Variants in DOCK3 observed in about 807,000 individuals in gnomAD.
The protein encoded by DOCK3 is dedicator of cytokinesis 3, also known as dedicator of cytokinesis protein 3.
DOCK3 carries 60 observed loss-of-function variants against 265.6 expected under a neutral mutation model. The ratio of observed to expected loss-of-function variants is 0.23; its 90% CI spans 0.18 to 0.28. DOCK3 has a LOEUF of 0.28. Among genes scored for constraint, DOCK3 ranks in the 10% least tolerant of loss-of-function variants. The probability of loss-of-function intolerance (pLI) is 1.00; values close to 1 mark genes in which losing one functional copy is unlikely to be tolerated. For missense variants in DOCK3, 1,981 were observed against 2,594.3 expected (o/e 0.76, Z 5.14); for synonymous variants, 881 against 938.0 (o/e 0.94, Z 1.11).
At chr3:51,001,934 GAC>G (rs2078497002) in intron 5 of DOCK3, among the ~76,000 whole-genome samples, 1 of 150,388 alleles carries the variant, frequency 6.6e-6, no homozygotes, top group Non-Finnish European at 1.5e-5. Flanking sequence ...TTTTTTAAGA[GAC>G]AGGGTCTCAC....
intron 5 of DOCK3, among the ~76,000 whole-genome samples, chr3:50,948,652 A>AT (rs952082440): frequency 1.1e-5 from 1 of 90,914 alleles, no homozygotes; most frequent in African/African-American, 4.2e-5. Context: ...TTCCTCTTTT[A>AT]TTTTTTTCTT....
At chr3:50,975,751 C>T (rs987770618) in intron 5 of DOCK3, among the ~76,000 whole-genome samples, 9 of 152,018 alleles carry the variant, frequency 5.9e-5, no homozygotes, top group South Asian at 4.2e-4. Flanking sequence ...GGTAGAATTC[C>T]GCTGTGAATC....
intron 4 of DOCK3, among the ~76,000 whole-genome samples, chr3:50,919,386 G>C (rs1030581671): frequency 1.3e-5 from 2 of 152,196 alleles, no homozygotes; most frequent in African/African-American, 4.8e-5. Context: ...CTATCCATGA[G>C]CATGGAATGT....
chr3:50,728,989 G>T (rs1362771967), intron 1 of DOCK3, among the ~76,000 whole-genome samples: 4 of 144,452 alleles, frequency 2.8e-5, no homozygotes, highest in African/African-American at 5.0e-5. Flanking sequence ...CTCCCAAAGT[G>T]CTGGGATTAC....
intron 46 of DOCK3, 55 bp downstream of exon 46, chr3:51,358,132 C>T (rs2086486086): frequency 2.5e-6 from 4 of 1,568,866 alleles, no homozygotes; most frequent in Non-Finnish European, 3.5e-6. Flanking sequence ...TCACTTCCTC[C>T]AGACCTACGC....
chr3:51,355,160 A>G (rs567177877), intron 41 of DOCK3, 137 bp downstream of exon 41: 2 of 1,254,182 alleles, frequency 1.6e-6, no homozygotes, highest in Admixed American at 5.3e-5. Flanking sequence ...GTGTGTCCTC[A>G]TTGCTTAGCA....
chr3:51,375,922 T>A, intron 51 of DOCK3, 87 bp downstream of exon 51: 1 of 1,371,038 alleles, frequency 7.3e-7, no homozygotes, highest in Non-Finnish European at 1.0e-6. Context: ...TGGCCAGGGC[T>A]AAGCCATACT....
chr3:51,363,921 A>G (rs2110382662), intron 49 of DOCK3, among the ~76,000 whole-genome samples: 1 of 152,300 alleles, frequency 6.6e-6, no homozygotes, highest in South Asian at 2.1e-4. Flanking sequence ...AGTCTTTGCT[A>G]TTGTGAATAG....
rs758081737 is a variant in DOCK3, at chr3:50,865,323, A to G, written c.162+23608A>G. 1.6e-4 allele frequency among the ~76,000 whole-genome samples: 24 copies of G among 152,184 alleles called. 1 individual carries two copies. Among genetic ancestry groups the G allele is most frequent in the Non-Finnish European group, 3.2e-4 (22 of 68,026 alleles). ...CCTATGACCCTTCCCACCCTCTGGC[A>G]ACCATTCTTCTACTCTCTGTCTCCA... On this transcript the variant is annotated intron_variant, in intron 3 of 52. Coordinates refer to ENST00000266037, the MANE Select transcript of DOCK3 (RefSeq NM_004947.5).
rs555525892 is a variant in DOCK3 at position 50,675,462 on chromosome 3, G to T, written c.37+162G>T. Reference sequence around the variant, plus strand: ...TGGGGGCAGGTGCGGGTGCGGGTGCGGGTGCGGGGGTGGGCGCGGGTCTCT... The same window carrying T: ...TGGGGGCAGGTGCGGGTGCGGGTGCTGGTGCGGGGGTGGGCGCGGGTCTCT... On this transcript the variant is annotated intron_variant, in intron 1 of 52. Transcript: ENST00000266037. This position sits in a 1 kb window ranked among gnomAD's most constrained non-coding sequence, Gnocchi z 6.1. Among the ~76,000 whole-genome samples, 1,104 of 151,642 alleles carry T rather than the reference G, an allele frequency of 7.3e-3. 7 individuals are homozygous for T. Among genetic ancestry groups the T allele is most frequent in the African/African-American group, 0.01 (429 of 41,462 alleles).
intron 44 of DOCK3, 52 bp downstream of exon 44, chr3:51,357,193 G>C: frequency 6.4e-7 from 1 of 1,562,306 alleles, no homozygotes; most frequent in East Asian, 2.3e-5. Flanking sequence ...CCAGGAAGGC[G>C]GCTCACAGGC....
At chr3:51,265,055 C>G (rs1395637416) in intron 23 of DOCK3, among the ~76,000 whole-genome samples, 1 of 152,050 alleles carries the variant, frequency 6.6e-6, no homozygotes, top group African/African-American at 2.4e-5. Flanking sequence ...AAACTACCAT[C>G]AGAGAATACT....
chr3:50,805,022 T>C (rs775900251), intron 2 of DOCK3, among the ~76,000 whole-genome samples: 6 of 152,244 alleles, frequency 3.9e-5, no homozygotes, highest in Non-Finnish European at 5.9e-5. Flanking sequence ...TATTTTCTTA[T>C]GATTGAGATC....
At chr3:50,941,759 T>C (rs894832205) in intron 5 of DOCK3, among the ~76,000 whole-genome samples, 1 of 152,106 alleles carries the variant, frequency 6.6e-6, no homozygotes, top group African/African-American at 2.4e-5. Flanking sequence ...CTTAGAGTGA[T>C]TGATCTCAAG....
chr3:51,170,195 A>G (rs944452886), intron 12 of DOCK3, among the ~76,000 whole-genome samples: 1 of 152,232 alleles, frequency 6.6e-6, no homozygotes, highest in Non-Finnish European at 1.5e-5. Context: ...CAAGCATTTT[A>G]GATAAGGGTT....
chr3:50,805,711 A>T (rs2043369721), intron 2 of DOCK3, among the ~76,000 whole-genome samples: 1 of 151,582 alleles, frequency 6.6e-6, no homozygotes, highest in Non-Finnish European at 1.5e-5. Flanking sequence ...TCTGATCTGG[A>T]TTTTGCCCAC....
At chr3:51,029,331 A>C (rs907252049) in intron 5 of DOCK3, among the ~76,000 whole-genome samples, 1 of 152,196 alleles carries the variant, frequency 6.6e-6, no homozygotes, top group Non-Finnish European at 1.5e-5. Context: ...TACTTAGTTC[A>C]TGCTTGCTCA....
intron 2 of DOCK3, among the ~76,000 whole-genome samples, chr3:50,796,586 C>T (rs1482142423): frequency 2.0e-5 from 3 of 152,094 alleles, no homozygotes; most frequent in African/African-American, 7.2e-5. Flanking sequence ...GATTTGCCCA[C>T]CTTGGCCTCC....
chr3:51,357,251 C>A, intron 44 of DOCK3, 110 bp downstream of exon 44: 1 of 1,237,694 alleles, frequency 8.1e-7, no homozygotes, highest in Non-Finnish European at 1.1e-6. Flanking sequence ...CCCTACATGC[C>A]CTCTCTTGAC....
Sources: gnomAD v4.1 joint callset for allele counts (sites outside exome capture counted in the v4.1 genomes callset) on GRCh38, gnomAD v4.1.1 for gene constraint, Gnocchi (gnomAD v3.1) non-coding constraint, MANE v1.5 for transcripts, NCBI Gene and HGNC (gene_info 2026-07-23, HGNC 2026-07-21) for gene names.